GRM7: variants seen among roughly 807,000 people sequenced by gnomAD.
The protein encoded by GRM7 is glutamate metabotropic receptor 7.
In GRM7, 35 loss-of-function variants were observed where a neutral mutation model predicts 84.5. The observed-to-expected ratio is 0.41, with a 90% CI of 0.32 to 0.55. The LOEUF is 0.55. Among genes scored for constraint, GRM7 ranks in the 20% least tolerant of loss-of-function variants. The pLI, the probability that GRM7 is intolerant of heterozygous loss-of-function variation, is 0.19. For synonymous variants in GRM7, 487 were observed against 455.1 expected (o/e 1.07, Z -0.89); for missense variants, 1,003 against 1,194.6 (o/e 0.84, Z 2.36).
chr3:7,095,293 T>TAG (rs1422170734), intron 1 of GRM7, among the ~76,000 whole-genome samples: 9 of 152,198 alleles, frequency 5.9e-5, no homozygotes, highest in African/African-American at 9.6e-5. Flanking sequence ...TTTGCTCAGA[T>TAG]TACTAAGTGG....
chr3:7,096,500 C>G (rs1483693545), intron 1 of GRM7, among the ~76,000 whole-genome samples: 1 of 151,954 alleles, frequency 6.6e-6, no homozygotes, highest in Non-Finnish European at 1.5e-5. Flanking sequence ...GCTTCCATGC[C>G]CTCTCCCCCC....
chr3:7,581,885 C>A (rs1695274279), intron 8 of GRM7, among the ~76,000 whole-genome samples: 1 of 151,798 alleles, frequency 6.6e-6, no homozygotes, highest in Non-Finnish European at 1.5e-5. Flanking sequence ...ATATTAACCC[C>A]CATGAAGTTT....
chr3:7,027,299 A>C (rs1381391659), intron 1 of GRM7, among the ~76,000 whole-genome samples: 2 of 152,134 alleles, frequency 1.3e-5, no homozygotes, highest in Non-Finnish European at 2.9e-5. Flanking sequence ...GTAAAATTAG[A>C]ATATCTTAAA....
chr3:7,269,081 A>G (rs1385267869), intron 2 of GRM7, among the ~76,000 whole-genome samples: 13 of 151,964 alleles, frequency 8.6e-5, no homozygotes, highest in Non-Finnish European at 1.5e-4. Flanking sequence ...CAAGGGCAAT[A>G]AAAAAACAGA....
At chr3:7,619,862 G>A (rs1697277195) in intron 8 of GRM7, among the ~76,000 whole-genome samples, 1 of 152,146 alleles carries the variant, frequency 6.6e-6, no homozygotes, top group Non-Finnish European at 1.5e-5. Context: ...AGTAGTCATG[G>A]GATCTGGCCT....
At chr3:7,632,440 G>A (rs1697899830) in intron 8 of GRM7, among the ~76,000 whole-genome samples, 3 of 152,022 alleles carry the variant, frequency 2.0e-5, no homozygotes, top group Admixed American at 1.3e-4. Flanking sequence ...ATCAATATGG[G>A]GAAATTAATG....
chr3:7,584,693 G>C (rs1407957601), intron 8 of GRM7, among the ~76,000 whole-genome samples: 2 of 152,202 alleles, frequency 1.3e-5, no homozygotes, highest in East Asian at 3.8e-4. Context: ...GATGGCACTG[G>C]TTTGAAGAAA....
intron 2 of GRM7, among the ~76,000 whole-genome samples, chr3:7,272,469 A>T (rs1381199541): frequency 6.6e-6 from 1 of 152,134 alleles, no homozygotes; most frequent in Non-Finnish European, 1.5e-5. Context: ...TCATTGGTAA[A>T]CCCATCTAGG....
At chr3:7,679,022 G>C (rs1700250938) in intron 8 of GRM7, among the ~76,000 whole-genome samples, 1 of 152,234 alleles carries the variant, frequency 6.6e-6, no homozygotes, top group Non-Finnish European at 1.5e-5. Flanking sequence ...AAAATGGGCA[G>C]AAAAATGATC....
chr3:7,331,191 G>T (rs1701195499), intron 4 of GRM7, among the ~76,000 whole-genome samples: 1 of 152,166 alleles, frequency 6.6e-6, no homozygotes, highest in African/African-American at 2.4e-5. Context: ...GCACACATTA[G>T]ATACTAAATA....
At chr3:7,552,097 C>T (rs1693505562) in intron 7 of GRM7, among the ~76,000 whole-genome samples, 2 of 152,204 alleles carry the variant, frequency 1.3e-5, no homozygotes, top group South Asian at 4.1e-4. Flanking sequence ...CACCTGATCT[C>T]TCCCTTGAAA....
chr3:7,736,616 G>A (rs909176735), intron 9 of GRM7, among the ~76,000 whole-genome samples: 20 of 152,140 alleles, frequency 1.3e-4, no homozygotes, highest in Non-Finnish European at 5.9e-5. Context: ...AGTAGCAAGA[G>A]CACACATCCC....
intron 1 of GRM7, among the ~76,000 whole-genome samples, chr3:6,971,720 G>C (rs1315421120): frequency 1.3e-5 from 2 of 152,016 alleles, no homozygotes; most frequent in Non-Finnish European, 2.9e-5. Context: ...TTCCTGTACA[G>C]TTTATTTATA....
intron 8 of GRM7, among the ~76,000 whole-genome samples, chr3:7,617,849 A>G (rs374309088): frequency 1.8e-4 from 28 of 152,146 alleles, no homozygotes; most frequent in African/African-American, 5.8e-4. Context: ...TTTTAAGTCA[A>G]TCAAAACAAT....
rs181863846 is a variant in GRM7, at chr3:6,890,508, G to A, written c.519+28601G>A. ...TTATGTAGCCAGTAGTCATTTAGTA[G>A]CAGGTTGTTCAGTTTGCATGTAGTT... is the stretch of plus-strand genomic sequence containing the variant. On this transcript the variant is annotated intron_variant, in intron 1 of 9. Coordinates refer to ENST00000357716, the MANE Select transcript of GRM7 (RefSeq NM_000844.4). Among the ~76,000 whole-genome samples the A allele has an allele frequency of 4.7e-3, 708 of 152,218 alleles. 3 individuals are homozygous for A. Among genetic ancestry groups the A allele is most frequent in the Non-Finnish European group, 7.8e-3 (531 of 68,004 alleles).
At chr3:7,723,572 G>GCACACT (rs1393747150) in intron 9 of GRM7, among the ~76,000 whole-genome samples, 2 of 152,142 alleles carry the variant, frequency 1.3e-5, no homozygotes, top group African/African-American at 4.8e-5. Flanking sequence ...GGGCACAATG[G>GCACACT]CACACTTGGC....
chr3:7,071,814 G>A (rs1044272975), intron 1 of GRM7, among the ~76,000 whole-genome samples: 1 of 152,062 alleles, frequency 6.6e-6, no homozygotes, highest in African/African-American at 2.4e-5. Context: ...GGTGAAGTTA[G>A]TGTTGAAGTC....
intron 9 of GRM7, among the ~76,000 whole-genome samples, chr3:7,713,403 G>C (rs1312256619): frequency 2.0e-5 from 3 of 152,016 alleles, no homozygotes; most frequent in Non-Finnish European, 4.4e-5. Context: ...CTCCCAAAGT[G>C]CTGAGATTAC....
intron 1 of GRM7, among the ~76,000 whole-genome samples, chr3:6,949,979 A>G (rs1692663925): frequency 6.6e-6 from 1 of 152,156 alleles, no homozygotes; most frequent in Admixed American, 6.5e-5. Flanking sequence ...CAAAGTTTTT[A>G]ATTTCTTTGC....
Sources: gnomAD v4.1 joint callset for allele counts (sites outside exome capture counted in the v4.1 genomes callset) on GRCh38, gnomAD v4.1.1 for gene constraint, MANE v1.5 for transcripts, NCBI Gene and HGNC (gene_info 2026-07-23, HGNC 2026-07-21) for gene names.